SPOCK3: variants seen among roughly 807,000 people sequenced by gnomAD.
The protein encoded by SPOCK3 is testican-3.
SPOCK3 carries 30 observed loss-of-function variants against 56.6 expected under a neutral mutation model. The observed-to-expected ratio is 0.53, with a 90% CI of 0.40 to 0.72. SPOCK3 has a LOEUF of 0.72. Ranked by LOEUF, SPOCK3 falls within the 30% of genes least tolerant of loss-of-function variation. The pLI is 0.00. For missense variants in SPOCK3, 527 were observed against 530.0 expected (o/e 0.99, Z 0.06); for synonymous variants, 196 against 183.3 (o/e 1.07, Z -0.56).
At chr4:166,884,700 T>C (rs778496547) in intron 6 of SPOCK3, among the ~76,000 whole-genome samples, 10 of 152,260 alleles carry the variant, frequency 6.6e-5, no homozygotes, top group Non-Finnish European at 1.3e-4. Flanking sequence ...ATGATTTATA[T>C]ATTTTATATT....
intron 2 of SPOCK3, among the ~76,000 whole-genome samples, chr4:167,131,299 G>A (rs1762676420): frequency 6.6e-6 from 1 of 152,058 alleles, no homozygotes; most frequent in African/African-American, 2.4e-5. Flanking sequence ...TCAAAAACTA[G>A]GAGTAGGACT....
intron 6 of SPOCK3, among the ~76,000 whole-genome samples, chr4:166,849,629 T>C (rs1748474255): frequency 6.6e-6 from 1 of 152,206 alleles, no homozygotes; most frequent in South Asian, 2.1e-4. Flanking sequence ...ACCAGCATCA[T>C]CATTTTTTAT....
intron 2 of SPOCK3, among the ~76,000 whole-genome samples, chr4:167,164,896 A>C (rs1197539363): frequency 6.6e-6 from 1 of 152,104 alleles, no homozygotes; most frequent in Non-Finnish European, 1.5e-5. Flanking sequence ...GCTGCAATAA[A>C]CATAAGTGTG....
chr4:166,793,998 A>T (rs1249026390), intron 6 of SPOCK3, among the ~76,000 whole-genome samples: 5 of 151,946 alleles, frequency 3.3e-5, no homozygotes, highest in African/African-American at 9.7e-5. Flanking sequence ...CATTTATAGG[A>T]AGCTGGTGAA....
chr4:166,974,837 ATGTT>A (rs952064473), intron 4 of SPOCK3, among the ~76,000 whole-genome samples: 2 of 152,190 alleles, frequency 1.3e-5, no homozygotes, highest in African/African-American at 4.8e-5. Flanking sequence ...TATGGTTTGA[ATGTT>A]TGTTCTCTCC....
intron 2 of SPOCK3, among the ~76,000 whole-genome samples, chr4:167,145,613 A>G (rs1236799206): frequency 6.6e-6 from 1 of 152,074 alleles, no homozygotes; most frequent in Non-Finnish European, 1.5e-5. Flanking sequence ...CCAACTGAAG[A>G]GGGTATTTCA....
intron 5 of SPOCK3, among the ~76,000 whole-genome samples, chr4:166,899,259 T>TATC (rs1491389548): frequency 8.5e-6 from 1 of 117,720 alleles, no homozygotes; most frequent in Non-Finnish European, 1.8e-5. Context: ...TCTATCTATC[T>TATC]ATCTATCTAT....
chr4:167,175,865 T>C (rs1580522157), intron 2 of SPOCK3, among the ~76,000 whole-genome samples: 1 of 152,238 alleles, frequency 6.6e-6, no homozygotes, highest in East Asian at 1.9e-4. Context: ...CTATCAATAA[T>C]AATAAAAAAT....
chr4:167,175,201 T>G, intron 2 of SPOCK3, among the ~76,000 whole-genome samples: 1 of 152,140 alleles, frequency 6.6e-6, no homozygotes, highest in Non-Finnish European at 1.5e-5. Flanking sequence ...TTAGAACTGC[T>G]AAATTGCCAT....
At chr4:166,898,261 G>A (rs1232094205) in intron 5 of SPOCK3, among the ~76,000 whole-genome samples, 2 of 152,084 alleles carry the variant, frequency 1.3e-5, no homozygotes, top group Non-Finnish European at 2.9e-5. Context: ...TGTTCCAATG[G>A]TGCTTTGGTT....
intron 3 of SPOCK3, among the ~76,000 whole-genome samples, chr4:167,029,007 C>A (rs1751998207): frequency 6.6e-6 from 1 of 151,936 alleles, no homozygotes; most frequent in African/African-American, 2.4e-5. Context: ...TGGTTTCCTG[C>A]ACAGATGAAC....
chr4:166,895,667 C>T (rs950963777), intron 5 of SPOCK3, among the ~76,000 whole-genome samples: 3 of 151,984 alleles, frequency 2.0e-5, no homozygotes, highest in African/African-American at 4.8e-5. Flanking sequence ...GAAGAAATTC[C>T]TTGTTTATTA....
intron 3 of SPOCK3, among the ~76,000 whole-genome samples, chr4:167,018,486 C>G (rs756747167): frequency 6.6e-6 from 1 of 152,100 alleles, no homozygotes; most frequent in Admixed American, 6.6e-5. Flanking sequence ...TATAGCCATT[C>G]GCCCAGAATA....
At chr4:167,126,118 T>A (rs1762258614) in intron 2 of SPOCK3, among the ~76,000 whole-genome samples, 1 of 152,150 alleles carries the variant, frequency 6.6e-6, no homozygotes, top group Non-Finnish European at 1.5e-5. Context: ...GAGTGAAAAT[T>A]GTTATTGGAT....
At chr4:167,006,730 A>G (rs1749505283) in intron 3 of SPOCK3, among the ~76,000 whole-genome samples, 1 of 152,170 alleles carries the variant, frequency 6.6e-6, no homozygotes, top group African/African-American at 2.4e-5. Context: ...TCTGTTCATT[A>G]ATTTTTCACT....
chr4:166,734,704 T>C lies in SPOCK3; in HGVS notation c.*217A>G. On this transcript the variant is annotated 3_prime_UTR_variant, in exon 11 of 11. Coordinates refer to ENST00000357545, the MANE Select transcript of SPOCK3 (RefSeq NM_001040159.2). The stretch of plus-strand genomic sequence containing the variant: ...ATTTTGTCTGACTAGACTGCATATG[T>C]ATTTTCTTTTTGTGTAAGGAATATA... 1 of 443,498 alleles carries C rather than the reference T, an allele frequency of 2.3e-6. No homozygotes were observed. The highest frequency in any genetic ancestry group is 3.9e-6 in the Non-Finnish European group (1 of 253,902). 27.5% of individuals were successfully genotyped at this position (443,498 alleles called of 1,614,324 possible).
chr4:166,741,604 G>A (rs1478972635), intron 9 of SPOCK3, among the ~76,000 whole-genome samples: 2 of 151,996 alleles, frequency 1.3e-5, no homozygotes, highest in African/African-American at 2.4e-5. Context: ...TTTCCCTGAG[G>A]TACTCAGAGC....
At chr4:167,180,539 G>T (rs971341048) in intron 2 of SPOCK3, among the ~76,000 whole-genome samples, 3 of 152,180 alleles carry the variant, frequency 2.0e-5, no homozygotes, top group Admixed American at 1.3e-4. Context: ...TATGTAAATA[G>T]GTTCTAATAA....
At chr4:167,153,985 C>T (rs1319818998) in intron 2 of SPOCK3, among the ~76,000 whole-genome samples, 3 of 152,152 alleles carry the variant, frequency 2.0e-5, no homozygotes, top group African/African-American at 4.8e-5. Context: ...GTTTCACTCT[C>T]ATTTCTGCCT....
Sources: allele counts gnomAD v4.1 joint callset (sites outside exome capture counted in the v4.1 genomes callset), GRCh38; gene constraint gnomAD v4.1.1; transcripts MANE v1.5; gene names NCBI Gene and HGNC (gene_info 2026-07-23, HGNC 2026-07-21).